The following INPP4B variants were observed in gnomAD, a reference collection of about 807,000 sequenced individuals.
INPP4B encodes inositol polyphosphate-4-phosphatase type II B, also known as inositol polyphosphate 4-phosphatase type II.
In INPP4B, 55 loss-of-function variants were observed where a neutral mutation model predicts 122.5. The observed-to-expected ratio is 0.45, with a 90% CI of 0.36 to 0.56. The LOEUF (loss-of-function observed/expected upper bound fraction) is 0.56. Among genes scored for constraint, INPP4B ranks in the 20% least tolerant of loss-of-function variants. INPP4B has a pLI of 0.00. For synonymous variants in INPP4B, 403 were observed against 388.7 expected (o/e 1.04, Z -0.43); for missense variants, 1,000 against 1,097.7 (o/e 0.91, Z 1.26).
intron 2 of INPP4B, among the ~76,000 whole-genome samples, chr4:142,599,070 G>A (rs565041925): frequency 1.8e-4 from 27 of 152,188 alleles, no homozygotes; most frequent in East Asian, 1.6e-3. Flanking sequence ...CAGTAGTGAC[G>A]CCATACCACA....
chr4:142,210,328 A>G (rs1332867218), intron 12 of INPP4B, among the ~76,000 whole-genome samples: 2 of 152,138 alleles, frequency 1.3e-5, no homozygotes, highest in East Asian at 1.9e-4. Context: ...AACTGCTGCA[A>G]TTTTCATCTG....
chr4:142,256,533 A>T (rs1244523051), intron 11 of INPP4B, among the ~76,000 whole-genome samples: 1 of 152,230 alleles, frequency 6.6e-6, no homozygotes, highest in Non-Finnish European at 1.5e-5. Flanking sequence ...ATCACCACCG[A>T]TCCCACAGAA....
At chr4:142,841,044 TA>T (rs202130366) in intron 1 of INPP4B, among the ~76,000 whole-genome samples, 21 of 151,974 alleles carry the variant, frequency 1.4e-4, no homozygotes, top group East Asian at 7.7e-4. Flanking sequence ...TTTACTTTTT[TA>T]AAAAAAAGTG....
intron 2 of INPP4B, among the ~76,000 whole-genome samples, chr4:142,562,288 C>T (rs1298538751): frequency 6.6e-6 from 1 of 152,154 alleles, no homozygotes; most frequent in African/African-American, 2.4e-5. Flanking sequence ...ATAACTTCTG[C>T]CACTGAATGA....
At chr4:142,799,390 A>T (rs763021274) in intron 1 of INPP4B, among the ~76,000 whole-genome samples, 1 of 151,886 alleles carries the variant, frequency 6.6e-6, no homozygotes, top group African/African-American at 2.4e-5. Flanking sequence ...AAATGATCAT[A>T]ATCCACCCTT....
At chr4:142,395,210 GA>G (rs1798972014) in intron 7 of INPP4B, among the ~76,000 whole-genome samples, 1 of 152,324 alleles carries the variant, frequency 6.6e-6, no homozygotes, top group South Asian at 2.1e-4. Flanking sequence ...AGCATCAGCA[GA>G]GTGCAATGTA....
chr4:142,372,304 C>A (rs1448684953), intron 7 of INPP4B, among the ~76,000 whole-genome samples: 1 of 151,986 alleles, frequency 6.6e-6, no homozygotes, highest in African/African-American at 2.4e-5. Flanking sequence ...TAGATACACA[C>A]ATGCAGTTAC....
intron 5 of INPP4B, among the ~76,000 whole-genome samples, chr4:142,423,320 T>C (rs3756125): frequency 0.66 from 100,674 of 151,974 alleles, 33,561 homozygotes; most frequent in Non-Finnish European, 0.7. Flanking sequence ...GTCTGTAAAG[T>C]GATGAGACAT....
At chr4:142,119,295 G>A (rs534748687) in intron 21 of INPP4B, among the ~76,000 whole-genome samples, 3 of 152,142 alleles carry the variant, frequency 2.0e-5, no homozygotes, top group South Asian at 4.1e-4. Flanking sequence ...CCCATTACTG[G>A]GTATGTACCC....
intron 5 of INPP4B, among the ~76,000 whole-genome samples, chr4:142,422,306 T>C (rs148892350): frequency 6.9e-4 from 105 of 152,232 alleles, no homozygotes; most frequent in Admixed American, 4.1e-3. Context: ...AAATGTTAGT[T>C]ACTTTTAATA....
intron 2 of INPP4B, among the ~76,000 whole-genome samples, chr4:142,569,247 A>C (rs1301133601): frequency 6.6e-6 from 1 of 152,152 alleles, no homozygotes; most frequent in African/African-American, 2.4e-5. Context: ...ACAAAAATGA[A>C]AAGCAAATGA....
intron 2 of INPP4B, among the ~76,000 whole-genome samples, chr4:142,652,835 C>T (rs1342269575): frequency 6.6e-6 from 1 of 152,182 alleles, no homozygotes; most frequent in Non-Finnish European, 1.5e-5. Context: ...CTACCAATGA[C>T]TTTCTTCACA....
At chr4:142,678,194 A>G (rs1269536795) in intron 2 of INPP4B, among the ~76,000 whole-genome samples, 2 of 151,916 alleles carry the variant, frequency 1.3e-5, no homozygotes, top group African/African-American at 4.8e-5. Flanking sequence ...CCACAGGCCT[A>G]ATAATTGGCC....
At chr4:142,148,720 G>C (rs1812133350) in intron 17 of INPP4B, among the ~76,000 whole-genome samples, 1 of 152,124 alleles carries the variant, frequency 6.6e-6, no homozygotes, top group Non-Finnish European at 1.5e-5. Context: ...TCATAGAAAA[G>C]TCACCTTTGT....
intron 3 of INPP4B, among the ~76,000 whole-genome samples, chr4:142,433,898 T>A (rs760491918): frequency 3.0e-4 from 46 of 151,986 alleles, no homozygotes; most frequent in Non-Finnish European, 3.2e-4. Flanking sequence ...AGATTTTTTT[T>A]AAAAAAGGAA....
intron 1 of INPP4B, among the ~76,000 whole-genome samples, chr4:142,774,932 A>T (rs1773627681): frequency 6.6e-6 from 1 of 152,018 alleles, no homozygotes; most frequent in Non-Finnish European, 1.5e-5. Context: ...TCCAGATTTC[A>T]TCTAGCTATT....
chr4:142,386,683 CT>C (rs1796075027), intron 7 of INPP4B, among the ~76,000 whole-genome samples: 1 of 152,182 alleles, frequency 6.6e-6, no homozygotes, highest in South Asian at 2.1e-4. Flanking sequence ...TGCCACGTCC[CT>C]TTTTATGTCG....
chr4:142,381,930 T>A (rs1342640841), intron 7 of INPP4B, among the ~76,000 whole-genome samples: 2 of 152,076 alleles, frequency 1.3e-5, no homozygotes, highest in African/African-American at 4.8e-5. Context: ...ACTATGCAAA[T>A]TTGATTGTAG....
chr4:142,090,628 C>T (rs766131398), intron 23 of INPP4B, among the ~76,000 whole-genome samples: 5 of 152,018 alleles, frequency 3.3e-5, no homozygotes, highest in Non-Finnish European at 7.4e-5. Context: ...CTTGCTTTTG[C>T]TACTCAGTCC....
Sources: gnomAD v4.1 joint callset for allele counts (sites outside exome capture counted in the v4.1 genomes callset) on GRCh38, gnomAD v4.1.1 for gene constraint, MANE v1.5 for transcripts, NCBI Gene and HGNC (gene_info 2026-07-23, HGNC 2026-07-21) for gene names.